NPRL3: variants seen among roughly 807,000 people sequenced by gnomAD.
NPRL3 encodes NPR3 like, GATOR1 complex subunit.
Under a neutral mutation model 57.2 loss-of-function variants are expected in NPRL3, and 23 were observed. The ratio of observed to expected loss-of-function variants is 0.40; its 90% CI spans 0.29 to 0.57. The LOEUF (loss-of-function observed/expected upper bound fraction) is 0.57, where lower values mean the gene tolerates loss of function less well. NPRL3 is among the 20% of genes least tolerant of loss of function. NPRL3 has a pLI of 0.42. For missense variants in NPRL3, 691 were observed against 767.1 expected, an observed-to-expected ratio of 0.90 and a Z score of 1.17; for synonymous variants, 333 against 321.1, an observed-to-expected ratio of 1.04 and a Z score of -0.39.
intron 8 of NPRL3, among the ~76,000 whole-genome samples, chr16:99,748 G>C (rs1287693207): frequency 6.6e-6 from 1 of 151,498 alleles, no homozygotes; most frequent in East Asian, 1.9e-4. Flanking sequence ...TGGCCAACAT[G>C]GTGAAACCCT....
In NPRL3 at chr16:138,395, G is replaced by A. The variant is rs1416530599; in HGVS notation, c.-67-61C>T. 1.3e-5 allele frequency: 8 copies of A among 622,504 alleles called. No individual in the cohort carries two copies. In the South Asian group the frequency reaches 1.4e-4, roughly 11 times the overall value. The allele number at this position is 622,504 out of a possible 1,614,324, so 38.6% of individuals were successfully genotyped here. On this transcript the variant is annotated intron_variant, in intron 1 of 13. Coordinates refer to ENST00000611875, the MANE Select transcript of NPRL3 (RefSeq NM_001077350.3). ...AGGAGGACGAGGCGGGGACGCAGGGGGCCTGAGGAGGGCAGGGGTGGAGGC... is the reference window on the plus strand; with the variant it reads ...AGGAGGACGAGGCGGGGACGCAGGGAGCCTGAGGAGGGCAGGGGTGGAGGC...
intron 2 of NPRL3, among the ~76,000 whole-genome samples, chr16:132,965 G>A (rs574802352): frequency 1.3e-5 from 2 of 151,580 alleles, no homozygotes; most frequent in Non-Finnish European, 2.9e-5. Context: ...CACCGCACCC[G>A]GCCCACCTTG....
At chr16:89,401 C>T (rs569743298) in intron 12 of NPRL3, 8 of 357,136 alleles carry the variant, frequency 2.2e-5, no homozygotes, top group East Asian at 5.2e-5. Flanking sequence ...GTCAGCTGTC[C>T]TGGTAGTGGT....
At chr16:94,017 G>C (rs184954461) in intron 9 of NPRL3, among the ~76,000 whole-genome samples, 2 of 152,220 alleles carry the variant, frequency 1.3e-5, no homozygotes, top group East Asian at 3.9e-4. Flanking sequence ...CTGGGCAGGG[G>C]GCTTAGCTGG....
At chr16:106,606 T>C (rs563526496) in intron 7 of NPRL3, among the ~76,000 whole-genome samples, 6 of 108,688 alleles carry the variant, frequency 5.5e-5, no homozygotes, top group Admixed American at 1.5e-4. Flanking sequence ...AGCCTGGCAA[T>C]AGAGTGAGAC....
intron 5 of NPRL3, among the ~76,000 whole-genome samples, chr16:116,217 G>A (rs1341822798): frequency 6.6e-6 from 1 of 152,158 alleles, no homozygotes; most frequent in Non-Finnish European, 1.5e-5. Context: ...CAGCATCCTG[G>A]GTGGGGCTGT....
chr16:85,564 C>G lies in NPRL3; in HGVS notation c.*1141G>C. ...AGCTGTGCCAGGCCCTGGCCATCAACAAGAGCTTTGACCAGAGGGACCTGG... is the reference window on the plus strand; with the variant it reads ...AGCTGTGCCAGGCCCTGGCCATCAAGAAGAGCTTTGACCAGAGGGACCTGG... On this transcript the variant is annotated 3_prime_UTR_variant, in exon 14 of 14. Transcript: ENST00000611875. 4 of 1,613,440 alleles carry G rather than the reference C, an allele frequency of 2.5e-6. No individual in the cohort carries two copies. Among genetic ancestry groups the G allele is most frequent in the Non-Finnish European group, 3.4e-6 (4 of 1,179,982 alleles).
rs1322990502 is a variant in NPRL3, at chr16:88,723, G to C, written c.1519C>G (p.Pro507Ala). 3 of 1,612,348 alleles carry C rather than the reference G, an allele frequency of 1.9e-6. No homozygotes were observed. In the African/African-American group the frequency reaches 4.0e-5, roughly 22 times the overall value. The change falls in exon 13 of 14, where the codon CCT (proline) becomes GCT (alanine). Residue 507 changes from proline to alanine, a missense_variant. Transcript: ENST00000611875. ...CTGGCAAACATGCGGAGGTCCTCAGGGTTCTGGGCTGCGGGTACACTGAGG... is the reference window on the plus strand; with the variant it reads ...CTGGCAAACATGCGGAGGTCCTCAGCGTTCTGGGCTGCGGGTACACTGAGG... ...AILSVPAAQN[P>A]EDLRMFARLL... is the part of the protein sequence containing the mutation.
Position 88,681 on chromosome 16 carries a change from G to A in NPRL3, c.1544+17C>T, listed in dbSNP as rs1898610152. The A allele has an allele frequency of 6.3e-7, 1 of 1,597,822 alleles. No homozygotes were observed. Among genetic ancestry groups the A allele is most frequent in the Admixed American group, 1.7e-5 (1 of 59,342 alleles). On this transcript the variant is annotated intron_variant, in intron 13 of 13. Coordinates refer to ENST00000611875, the MANE Select transcript of NPRL3 (RefSeq NM_001077350.3). ...CCTGCAACTGGCCCCAGTCCCAACG[G>A]GTCAACCTACACCCACCTGGCAAAC...
chr16:97,041 G>A (rs1899040489), intron 9 of NPRL3, among the ~76,000 whole-genome samples: 1 of 152,238 alleles, frequency 6.6e-6, no homozygotes, highest in Admixed American at 6.5e-5. Flanking sequence ...CCTCACGCCT[G>A]TGTTCCTCGG....
In NPRL3 at chr16:85,753, G is replaced by A; in HGVS notation, c.*952C>T. On this transcript the variant is annotated 3_prime_UTR_variant, in exon 14 of 14. Transcript: ENST00000611875. ...CCTGGGTCAGTGTGGTCGACAGAGT[G>A]GCTGAGCAGGACACACAGGCCTGAG... 3.3e-6 allele frequency: 5 copies of A among 1,512,146 alleles called. No homozygotes were observed. The highest frequency in any genetic ancestry group is 4.4e-6 in the Non-Finnish European group (5 of 1,129,476). 93.7% of individuals were successfully genotyped at this position (1,512,146 alleles called of 1,614,324 possible).
In NPRL3 at chr16:86,825, C is replaced by T; in HGVS notation, c.1590G>A (p.Met530Ile). 3 of 1,613,502 alleles carry T rather than the reference C, an allele frequency of 1.9e-6. No individual in the cohort carries two copies. The highest frequency in any genetic ancestry group is 2.5e-6 in the Non-Finnish European group (3 of 1,179,766). Residue 530 changes from methionine (M) to isoleucine (I), a missense_variant, in exon 14 of 14, where the codon ATG becomes ATA. Met to Ile is a conservative substitution (Grantham distance 10). Transcript: ENST00000611875. ...GGGAGCGCCGCGTGTTCTCGTTGTA[C>T]ATAATCTCCTCCAGGTGGTGGCGGC... ...FRGRHHLEEI[M>I]YNENTRRSQL...
intron 2 of NPRL3, among the ~76,000 whole-genome samples, chr16:136,694 A>G (rs1901101834): frequency 6.6e-6 from 1 of 151,614 alleles, no homozygotes; most frequent in South Asian, 2.1e-4. Context: ...TCTCAAAAAA[A>G]AAAAAAAAGA....
intron 12 of NPRL3, chr16:89,195 A>G: frequency 2.5e-6 from 1 of 399,076 alleles, no homozygotes; most frequent in Non-Finnish European, 4.6e-6. Flanking sequence ...CCCAGGATGG[A>G]GGACAAAGCA....
intron 2 of NPRL3, among the ~76,000 whole-genome samples, chr16:133,974 T>G (rs1900934364): frequency 6.6e-6 from 1 of 152,204 alleles, no homozygotes; most frequent in African/African-American, 2.4e-5. Flanking sequence ...AAACTTGCTA[T>G]CTTATGTGGA....
rs924647297 is a variant in NPRL3, at chr16:93,153, G to A, written c.1031+66C>T. 7.7e-5 allele frequency: 79 copies of A among 1,032,568 alleles called. No homozygotes were observed. In the African/African-American group the frequency reaches 9.7e-4, roughly 13 times the overall value. 64.0% of individuals were successfully genotyped at this position (1,032,568 alleles called of 1,614,324 possible). ...TGGCCAACACAGAGAACAGCATCTGGAGGGCCCTGCCAGCCTCACCCCTTC... is the reference window on the plus strand; with the variant it reads ...TGGCCAACACAGAGAACAGCATCTGAAGGGCCCTGCCAGCCTCACCCCTTC... On this transcript the variant is annotated intron_variant, in intron 10 of 13. Transcript: ENST00000611875.
intron 2 of NPRL3, among the ~76,000 whole-genome samples, chr16:132,199 A>G (rs2141984442): frequency 6.6e-6 from 1 of 151,866 alleles, no homozygotes; most frequent in South Asian, 2.1e-4. Context: ...ATAGAGATGA[A>G]TTTTTGTCAT....
In NPRL3 at chr16:88,868, G is replaced by T; in HGVS notation, c.1374C>A (p.Leu458=). The T allele has an allele frequency of 6.2e-7, 1 of 1,612,996 alleles. No individual in the cohort carries two copies. The highest frequency in any genetic ancestry group is 8.5e-7 in the Non-Finnish European group (1 of 1,179,120). ...TGGAGTTGTCCATGCTGGGGCTGGT[G>T]AGGGTCATGTCATCGCTGCTGGCTG... is the stretch of plus-strand genomic sequence containing the variant. The part of the protein sequence containing the change: ...GSPTSSDDMT[L]TSPSMDNSSA... Residue 458 remains leucine (L), a synonymous_variant, in exon 13 of 14, where the codon CTC becomes CTA. Transcript: ENST00000611875.
chr16:119,350 G>T, intron 3 of NPRL3, 95 bp from the exon 4 acceptor site: 1 of 1,253,964 alleles, frequency 8.0e-7, no homozygotes, highest in African/African-American at 1.5e-5. Flanking sequence ...TCAGTAAACT[G>T]CACCTTCATG....
Sources: gnomAD v4.1 joint callset for allele counts (sites outside exome capture counted in the v4.1 genomes callset) on GRCh38, gnomAD v4.1.1 for gene constraint, MANE v1.5 for transcripts, NCBI Gene and HGNC (gene_info 2026-07-23, HGNC 2026-07-21) for gene names.